Variants in ADGRL2 observed in about 807,000 individuals in gnomAD.
The protein encoded by ADGRL2 is adhesion G protein-coupled receptor L2.
A neutral mutation model predicts 157.4 loss-of-function variants in ADGRL2; 44 were observed. The ratio of observed to expected loss-of-function variants is 0.28; its 90% CI spans 0.22 to 0.36. The LOEUF (loss-of-function observed/expected upper bound fraction) is 0.36. Among genes scored for constraint, ADGRL2 ranks in the 10% least tolerant of loss-of-function variants. The probability of loss-of-function intolerance (pLI) is 1.00; values close to 1 mark genes in which losing one functional copy is unlikely to be tolerated. For missense variants in ADGRL2, 1,510 were observed against 1,768.9 expected, an observed-to-expected ratio of 0.85 and a Z score of 2.63; for synonymous variants, 585 against 624.7, an observed-to-expected ratio of 0.94 and a Z score of 0.95.
chr1:81,878,948 T>G (rs991539434), intron 2 of ADGRL2, among the ~76,000 whole-genome samples: 8 of 152,224 alleles, frequency 5.3e-5, no homozygotes, highest in Admixed American at 4.6e-4. Flanking sequence ...CGTGTATACA[T>G]TCTGAAAGAA....
intron 2 of ADGRL2, among the ~76,000 whole-genome samples, chr1:81,496,259 G>T (rs2078727123): frequency 1.3e-5 from 2 of 152,110 alleles, no homozygotes; most frequent in Admixed American, 6.6e-5. Flanking sequence ...TTATCAAAAA[G>T]AACTTTTTCT....
chr1:81,800,805 G>C (rs1279396630), upstream of ADGRL2, among the ~76,000 whole-genome samples: 1 of 151,232 alleles, frequency 6.6e-6, no homozygotes, highest in Non-Finnish European at 1.5e-5. Context: ...CGGTTGAATG[G>C]GTGTGTTAAT....
chr1:81,384,391 G>C (rs570894040), intron 1 of ADGRL2, among the ~76,000 whole-genome samples: 1 of 152,238 alleles, frequency 6.6e-6, no homozygotes, highest in Admixed American at 6.5e-5. Flanking sequence ...CTAGAAAATT[G>C]CTAGAAAGAT....
intron 2 of ADGRL2, among the ~76,000 whole-genome samples, chr1:81,902,620 G>A (rs570731464): frequency 6.6e-6 from 1 of 151,434 alleles, no homozygotes. Flanking sequence ...AACAAAGGGT[G>A]GGGGGCAGTT....
intron 1 of ADGRL2, among the ~76,000 whole-genome samples, chr1:81,420,033 C>T (rs1249567993): frequency 1.3e-5 from 2 of 152,082 alleles, no homozygotes; most frequent in Non-Finnish European, 2.9e-5. Context: ...CTTTTCCTTG[C>T]AAATCCTAAT....
chr1:81,984,854 A>AT, intron 20 of ADGRL2, 143 bp downstream of exon 20: 1 of 892,406 alleles, frequency 1.1e-6, no homozygotes, highest in South Asian at 2.0e-5. Context: ...TTTGGTTTCA[A>AT]TGTCTTCTTA....
intron 1 of ADGRL2, among the ~76,000 whole-genome samples, chr1:81,704,207 TCTAATAC>T (rs2083661806): frequency 6.6e-6 from 1 of 152,200 alleles, no homozygotes; most frequent in African/African-American, 2.4e-5. Flanking sequence ...ACCAGTTAAA[TCTAATAC>T]CTGTGCATTA....
chr1:81,394,023 A>G (rs1480226971), intron 1 of ADGRL2, among the ~76,000 whole-genome samples: 1 of 152,066 alleles, frequency 6.6e-6, no homozygotes. Flanking sequence ...TTTACTGCAT[A>G]CATCAATATA....
At chr1:81,312,968 C>G (rs1337064296) in intron 1 of ADGRL2, among the ~76,000 whole-genome samples, 1 of 152,132 alleles carries the variant, frequency 6.6e-6, no homozygotes. Flanking sequence ...TATTGAATCT[C>G]TCTGAGCTTC....
intron 2 of ADGRL2, among the ~76,000 whole-genome samples, chr1:81,864,923 T>A (rs190969768): frequency 9.9e-5 from 15 of 152,114 alleles, no homozygotes; most frequent in African/African-American, 3.6e-4. Flanking sequence ...GATGCAGAGG[T>A]TGCAGTGAGC....
chr1:81,811,734 T>G (rs1452598604), intron 1 of ADGRL2, among the ~76,000 whole-genome samples: 1 of 151,822 alleles, frequency 6.6e-6, no homozygotes, highest in Non-Finnish European at 1.5e-5. Flanking sequence ...TTTAGAATTA[T>G]TCAGAATAAG....
At chr1:81,499,674 A>G (rs867606323) in intron 2 of ADGRL2, among the ~76,000 whole-genome samples, 24 of 152,204 alleles carry the variant, frequency 1.6e-4, no homozygotes, top group African/African-American at 5.1e-4. Context: ...CAAAAAGTTA[A>G]AAGAGTTATA....
chr1:81,577,418 C>T (rs2080819704), intron 2 of ADGRL2, among the ~76,000 whole-genome samples: 1 of 152,160 alleles, frequency 6.6e-6, no homozygotes, highest in Admixed American at 6.6e-5. Flanking sequence ...TGTGCATTGT[C>T]TCTCAGACAA....
At chr1:81,585,070 A>G (rs544873082) in intron 3 of ADGRL2, among the ~76,000 whole-genome samples, 2 of 152,292 alleles carry the variant, frequency 1.3e-5, no homozygotes, top group East Asian at 3.9e-4. Context: ...CTTACCTGCA[A>G]TCAACTGTAT....
intron 3 of ADGRL2, among the ~76,000 whole-genome samples, chr1:81,655,944 G>A (rs1363457245): frequency 1.3e-5 from 2 of 152,180 alleles, no homozygotes; most frequent in Non-Finnish European, 2.9e-5. Context: ...AGGGTTCAAA[G>A]GTTCAGGACT....
intron 2 of ADGRL2, among the ~76,000 whole-genome samples, chr1:81,499,013 G>A (rs1297946587): frequency 1.3e-5 from 2 of 152,176 alleles, no homozygotes; most frequent in African/African-American, 4.8e-5. Context: ...ACCACTAGAT[G>A]CTCACCTGCA....
chr1:81,360,997 ACT>A (rs2075968282), intron 1 of ADGRL2, among the ~76,000 whole-genome samples: 1 of 151,558 alleles, frequency 6.6e-6, no homozygotes, highest in Non-Finnish European at 1.5e-5. Context: ...ATAAGAGGAA[ACT>A]CCCCTCTCCC....
intron 2 of ADGRL2, among the ~76,000 whole-genome samples, chr1:81,775,575 G>T (rs1452767466): frequency 2.0e-5 from 3 of 151,096 alleles, no homozygotes; most frequent in Admixed American, 2.0e-4. Flanking sequence ...GGTAATAGAG[G>T]TCCTGGTTTA....
At chr1:81,791,883 GAAGT>G (rs1369269716) in intron 2 of ADGRL2, among the ~76,000 whole-genome samples, 2 of 152,198 alleles carry the variant, frequency 1.3e-5, no homozygotes, top group African/African-American at 2.4e-5. Context: ...AAAATTTTGT[GAAGT>G]AATAGTCTGT....
Sources: allele counts gnomAD v4.1 joint callset (sites outside exome capture counted in the v4.1 genomes callset), GRCh38; gene constraint gnomAD v4.1.1; transcripts MANE v1.5; gene names NCBI Gene and HGNC (gene_info 2026-07-23, HGNC 2026-07-21).